Variants in LPIN1 observed in about 807,000 individuals in gnomAD.
The protein encoded by LPIN1 is phosphatidate phosphatase LPIN1.
In LPIN1, 71 loss-of-function variants were observed where a neutral mutation model predicts 107.5. The observed-to-expected ratio is 0.66, with a 90% CI of 0.55 to 0.80. The LOEUF is 0.80. Among genes scored for constraint, LPIN1 ranks in the 30% least tolerant of loss-of-function variants. LPIN1 has a pLI of 0.00. For synonymous variants in LPIN1, 445 were observed against 452.6 expected, an observed-to-expected ratio of 0.98 and a Z score of 0.21; for missense variants, 1,043 against 1,160.6, an observed-to-expected ratio of 0.90 and a Z score of 1.47.
At chr2:11,699,797 T>C (rs1252093728) in intron 1 of LPIN1, among the ~76,000 whole-genome samples, 1 of 152,024 alleles carries the variant, frequency 6.6e-6, no homozygotes, top group Non-Finnish European at 1.5e-5. Context: ...CAAAGTGATA[T>C]AAGCAAGGGC....
chr2:11,767,749 TG>T lies in LPIN1; in HGVS notation c.193-13del. 6.4e-7 allele frequency: 1 copy of T among 1,559,118 alleles called. No individual in the cohort carries two copies. The highest frequency in any genetic ancestry group is 8.9e-7 in the Non-Finnish European group (1 of 1,129,816). On this transcript the variant is annotated splice_polypyrimidine_tract_variant and intron_variant, in intron 2 of 20. Coordinates refer to ENST00000674199, the MANE Select transcript of LPIN1 (RefSeq NM_001349206.2). The stretch of plus-strand genomic sequence containing the variant: ...AGGCAGTTCATTCTTTTCTTAACCA[TG>T]TTTTCCCTTCAGGTTGACATAGAAA...
intron 7 of LPIN1, 116 bp downstream of exon 7, chr2:11,779,761 C>A: frequency 1.6e-6 from 2 of 1,233,656 alleles, no homozygotes; most frequent in Non-Finnish European, 1.2e-6. Context: ...AGAGGTAAAC[C>A]AAAATATATT....
At chr2:11,696,392 G>A (rs1662580283) in intron 1 of LPIN1, among the ~76,000 whole-genome samples, 1 of 151,908 alleles carries the variant, frequency 6.6e-6, no homozygotes, top group Non-Finnish European at 1.5e-5. Context: ...GGACATAGTG[G>A]GTTCTCCTGA....
intron 1 of LPIN1, among the ~76,000 whole-genome samples, chr2:11,761,590 T>A (rs115286052): frequency 0.019 from 2,884 of 152,228 alleles, 43 homozygotes; most frequent in Admixed American, 0.033. Context: ...TAGGTATCAT[T>A]CATGACTTCT....
chr2:11,803,164 A>G lies in LPIN1; in HGVS notation c.2013+131A>G. On this transcript the variant is annotated intron_variant, in intron 15 of 20. Coordinates refer to ENST00000674199, the MANE Select transcript of LPIN1 (RefSeq NM_001349206.2). This position sits in a 1 kb window ranked among gnomAD's most constrained non-coding sequence, Gnocchi z 4.2. Reference sequence around the variant, plus strand: ...ATCCCAGGGGGCCTGCAATCCCTCAACTGGGTACCCGCTGTTTCCACCCCA... The same window carrying G: ...ATCCCAGGGGGCCTGCAATCCCTCAGCTGGGTACCCGCTGTTTCCACCCCA... The G allele has an allele frequency of 1.6e-6, 2 of 1,247,286 alleles. No individual in the cohort carries two copies. Among genetic ancestry groups the G allele is most frequent in the Non-Finnish European group, 2.3e-6 (2 of 864,036 alleles). The allele number at this position is 1,247,286 out of a possible 1,614,324, so 77.3% of individuals were successfully genotyped here. A position where few individuals can be genotyped will look rare whatever the true frequency, so the allele number is the denominator to read the frequency against.
At chr2:11,693,810 ATATATATATATATTTTTTTTTTTTT>A (rs1287049303) in intron 1 of LPIN1, among the ~76,000 whole-genome samples, 2 of 30,052 alleles carry the variant, frequency 6.7e-5, no homozygotes, top group African/African-American at 8.4e-5. Context: ...ATATATATAT[ATATATATATATATTTTTTTTTTTTT>A]TTTTTTTTTT....
chr2:11,804,421 A>G lies in LPIN1; in HGVS notation c.2014-2A>G, dbSNP rs985025312. 6.2e-7 allele frequency: 1 copy of G among 1,614,218 alleles called. No individual in the cohort carries two copies. Among genetic ancestry groups the G allele is most frequent in the African/African-American group, 1.3e-5 (1 of 75,068 alleles). ...CAAATACTAATGGTTCATGTTTTTC[A>G]GAAAAGCTTGAAGTTGAAGAATGGC... On this transcript the variant is annotated splice_acceptor_variant, in intron 15 of 20. Transcript: ENST00000674199. LOFTEE classifies it high-confidence loss of function.
chr2:11,722,248 C>T (rs1452312671), upstream of LPIN1: 1 of 152,270 alleles, frequency 6.6e-6, no homozygotes, highest in Non-Finnish European at 1.5e-5. Context: ...CCAGCTCCAT[C>T]CTTCCTAGCC....
At chr2:11,741,437 T>C (rs1341872080) in intron 2 of LPIN1, 1 of 1,538,974 alleles carries the variant, frequency 6.5e-7, no homozygotes, top group East Asian at 2.4e-5. Flanking sequence ...GAGTAAGCAC[T>C]GCTGTTCAGT....
upstream of LPIN1, among the ~76,000 whole-genome samples, chr2:11,719,907 T>C (rs1420241618): frequency 6.6e-6 from 1 of 151,916 alleles, no homozygotes; most frequent in African/African-American, 2.4e-5. Flanking sequence ...AGAATGGTCA[T>C]TTTTTGTTCA....
rs79000006 is a variant in LPIN1, at chr2:11,725,437, T to C, written c.-72+898T>C. Among the ~76,000 whole-genome samples the C allele has an allele frequency of 7.5e-4, 114 of 152,190 alleles. No individual in the cohort carries two copies. In the East Asian group the frequency reaches 0.019, roughly 25 times the overall value. On this transcript the variant is annotated intron_variant, in intron 1 of 21. Coordinates refer to the LPIN1 transcript ENST00000396097. ...ATTCCTTTTAGAGGGATGAGAACAA[T>C]AGGTACCGGAACTTCAATTCCTAAA...
chr2:11,733,293 A>G (rs1665436333), intron 1 of LPIN1, among the ~76,000 whole-genome samples: 1 of 152,140 alleles, frequency 6.6e-6, no homozygotes, highest in Non-Finnish European at 1.5e-5. Flanking sequence ...GTTCCCAGGA[A>G]TGTTTTAACA....
chr2:11,748,235 T>C (rs992463466), intron 1 of LPIN1, among the ~76,000 whole-genome samples: 18 of 152,202 alleles, frequency 1.2e-4, no homozygotes, highest in African/African-American at 4.1e-4. Context: ...TCCTGCTCTT[T>C]GCGTGGTCAG....
At chr2:11,692,617 A>G (rs917545813) in intron 1 of LPIN1, among the ~76,000 whole-genome samples, 4 of 151,998 alleles carry the variant, frequency 2.6e-5, no homozygotes, top group Admixed American at 2.6e-4. Context: ...TACGTGCCCT[A>G]CACATGCGTC....
At chr2:11,689,175 A>G (rs906782769) in intron 1 of LPIN1, among the ~76,000 whole-genome samples, 1 of 152,190 alleles carries the variant, frequency 6.6e-6, no homozygotes, top group Non-Finnish European at 1.5e-5. Context: ...GACATTTTCC[A>G]TATTTTGTCC....
intron 20 of LPIN1, among the ~76,000 whole-genome samples, chr2:11,822,847 C>T (rs1681780290): frequency 1.3e-5 from 2 of 152,200 alleles, no homozygotes; most frequent in Admixed American, 1.3e-4. Context: ...TAGGTGGCCT[C>T]TGCGGTCATT....
At chr2:11,698,576 A>G (rs888614892) in intron 1 of LPIN1, among the ~76,000 whole-genome samples, 8 of 152,182 alleles carry the variant, frequency 5.3e-5, no homozygotes, top group African/African-American at 1.9e-4. Context: ...GGTCTTCTAG[A>G]TTGCCCGACA....
At chr2:11,743,614 G>C (rs1012010104), upstream of LPIN1, among the ~76,000 whole-genome samples, 8 of 152,178 alleles carry the variant, frequency 5.3e-5, no homozygotes, top group African/African-American at 1.9e-4. This position sits in a 1 kb window ranked among gnomAD's most constrained non-coding sequence, Gnocchi z 4.7. Flanking sequence ...CCGAGGAGAT[G>C]CCCTCCCTTC....
At chr2:11,731,124 A>G (rs1424860249) in intron 1 of LPIN1, among the ~76,000 whole-genome samples, 1 of 152,218 alleles carries the variant, frequency 6.6e-6, no homozygotes, top group East Asian at 1.9e-4. Flanking sequence ...GGTTTTTTAC[A>G]TAGGTATACA....
Sources: gnomAD v4.1 joint callset for allele counts (sites outside exome capture counted in the v4.1 genomes callset) on GRCh38, gnomAD v4.1.1 for gene constraint, Gnocchi (gnomAD v3.1) non-coding constraint, MANE v1.5 for transcripts, NCBI Gene and HGNC (gene_info 2026-07-23, HGNC 2026-07-21) for gene names.